KIAA0319L: variants seen among roughly 807,000 people sequenced by gnomAD.
KIAA0319L encodes the protein dyslexia-associated protein KIAA0319-like protein.
A neutral mutation model predicts 120.1 loss-of-function variants in KIAA0319L; 55 were observed. That is an observed-to-expected ratio of 0.46 (90% confidence interval 0.37 to 0.57). The LOEUF (loss-of-function observed/expected upper bound fraction) is 0.57, where lower values mean the gene tolerates loss of function less well. Among genes scored for constraint, KIAA0319L ranks in the 20% least tolerant of loss-of-function variants. The pLI is 0.00. For synonymous variants in KIAA0319L, 398 were observed against 471.9 expected (o/e 0.84, Z 2.03); for missense variants, 1,049 against 1,255.3 (o/e 0.84, Z 2.48).
intron 6 of KIAA0319L, among the ~76,000 whole-genome samples, chr1:35,468,714 A>C (rs1240582920): frequency 6.6e-6 from 1 of 152,186 alleles, no homozygotes; most frequent in East Asian, 1.9e-4. Flanking sequence ...AATTTTATCA[A>C]GTCAAACTCC....
chr1:35,536,852 G>A (rs765634410), intron 2 of KIAA0319L, among the ~76,000 whole-genome samples: 9 of 151,422 alleles, frequency 5.9e-5, no homozygotes, highest in Non-Finnish European at 1.2e-4. Flanking sequence ...CAGATTGAAG[G>A]CAAATGATTA....
rs185047296 is a variant in KIAA0319L at position 35,550,350 on chromosome 1, G to A, written c.142+4000C>T. 2.6e-4 allele frequency among the ~76,000 whole-genome samples: 40 copies of A among 152,180 alleles called. 1 individual carries two copies. The highest frequency in any genetic ancestry group is 1.4e-3 in the Admixed American group (21 of 15,288). On this transcript the variant is annotated intron_variant, in intron 2 of 20. Coordinates refer to ENST00000325722, the MANE Select transcript of KIAA0319L (RefSeq NM_024874.5). ...GCAGGAATCAAGAATGTATTTTATC[G>A]GAAAAAAATGTAAACACTCAGGTAA...
At chr1:35,485,961 A>G (rs943611366) in intron 3 of KIAA0319L, among the ~76,000 whole-genome samples, 13 of 152,174 alleles carry the variant, frequency 8.5e-5, no homozygotes, top group Non-Finnish European at 1.2e-4. Context: ...ATTAGTTTTC[A>G]TGTTCAGCCA....
chr1:35,557,228 G>A lies in KIAA0319L; in HGVS notation c.-50C>T, dbSNP rs764099680. 2.7e-5 allele frequency: 5 copies of A among 182,222 alleles called. No individual in the cohort carries two copies. The highest frequency in any genetic ancestry group is 4.7e-5 in the Non-Finnish European group (4 of 84,594). 11.3% of individuals were successfully genotyped at this position (182,222 alleles called of 1,614,324 possible). On this transcript the variant is annotated 5_prime_UTR_variant, in exon 1 of 21. Transcript: ENST00000325722. ...CTACCGGGGCTCAGGGCCACATAGC[G>A]GGGCCCCGGCTCTCGGCGGCCTCCG... is the stretch of plus-strand genomic sequence containing the variant.
chr1:35,544,057 G>T (rs1646891334), intron 2 of KIAA0319L, among the ~76,000 whole-genome samples: 1 of 152,060 alleles, frequency 6.6e-6, no homozygotes, highest in Non-Finnish European at 1.5e-5. Context: ...GCATGGAAGT[G>T]GGACAAAACA....
Position 35,456,017 on chromosome 1 carries a change from A to C in KIAA0319L, c.1652T>G (p.Met551Arg). The part of the protein sequence containing the change: ...SPSSKGKVVE[M>R]QGVRTPTLQL... ...ATAGGAACCATTCCCTCCTACCTGC[A>C]TCTCCACCACTTTCCCTTTGCTGCT... The change falls in exon 10 of 21, where the codon ATG becomes AGG. Residue 551 changes from methionine to arginine, a missense_variant. Met to Arg is a moderately conservative substitution (Grantham distance 91, BLOSUM62 -1). Coordinates refer to ENST00000325722, the MANE Select transcript of KIAA0319L (RefSeq NM_024874.5). 6.2e-7 allele frequency: 1 copy of C among 1,610,842 alleles called. No individual in the cohort carries two copies. The highest frequency in any genetic ancestry group is 1.1e-5 in the South Asian group (1 of 90,796).
At chr1:35,532,362 T>A (rs1224411256) in intron 2 of KIAA0319L, among the ~76,000 whole-genome samples, 1 of 152,182 alleles carries the variant, frequency 6.6e-6, no homozygotes, top group Non-Finnish European at 1.5e-5. Flanking sequence ...ATGTGTTCAA[T>A]AATAAAAATA....
intron 2 of KIAA0319L, among the ~76,000 whole-genome samples, chr1:35,537,199 T>G (rs1252314201): frequency 6.6e-6 from 1 of 152,228 alleles, no homozygotes; most frequent in Non-Finnish European, 1.5e-5. Flanking sequence ...CAATTCCCTG[T>G]GTAGCCCACT....
intron 2 of KIAA0319L, chr1:35,533,478 A>G (rs1488951296): frequency 6.6e-6 from 1 of 152,224 alleles, no homozygotes; most frequent in Non-Finnish European, 1.5e-5. Flanking sequence ...TATTCTGTAG[A>G]AAAAATTTGC....
chr1:35,436,963 C>T (rs889223917), intron 20 of KIAA0319L, among the ~76,000 whole-genome samples: 1 of 152,144 alleles, frequency 6.6e-6, no homozygotes, highest in Non-Finnish European at 1.5e-5. Flanking sequence ...CTCCTAGTGA[C>T]TCTACTCTAG....
rs188794614 is a variant in KIAA0319L at position 35,454,553 on chromosome 1, T to C, written c.1657-68A>G. 95 of 1,589,594 alleles carry C rather than the reference T, an allele frequency of 6.0e-5. 2 individuals carry two copies. The East Asian group carries it at 1.8e-3, about 31-fold the overall frequency. On this transcript the variant is annotated intron_variant, in intron 10 of 20. Transcript: ENST00000325722. ...TCACATCACACAATAATTCCGACTC[T>C]GGTAAAAACGATTTAGTTTTCTAAA...
chr1:35,543,066 A>G lies in KIAA0319L; in HGVS notation c.142+11284T>C, dbSNP rs754579993. On this transcript the variant is annotated intron_variant, in intron 2 of 20. Transcript: ENST00000325722. ...TTCCAAGATAGTAGGATTTAAGATG[A>G]TTATCTTTCACTAAAGTGTTTAAGC... Among the ~76,000 whole-genome samples the G allele has an allele frequency of 9.2e-5, 14 of 152,346 alleles. 1 individual carries two copies. The highest frequency in any genetic ancestry group is 2.9e-4 in the African/African-American group (12 of 41,582).
intron 2 of KIAA0319L, among the ~76,000 whole-genome samples, chr1:35,525,388 T>C (rs549384027): frequency 6.6e-6 from 1 of 152,208 alleles, no homozygotes; most frequent in Admixed American, 6.5e-5. Flanking sequence ...CTGGATCATA[T>C]AGTAGTTCTA....
chr1:35,450,083 T>C, intron 14 of KIAA0319L, 78 bp from the exon 15 acceptor site: 2 of 1,547,910 alleles, frequency 1.3e-6, no homozygotes, highest in Non-Finnish European at 1.8e-6. Flanking sequence ...GCTTTCACCA[T>C]AACTAGGCCC....
At chr1:35,442,436 C>T (rs1641295622) in intron 18 of KIAA0319L, 100 bp from the exon 19 acceptor site, 2 of 867,468 alleles carry the variant, frequency 2.3e-6, no homozygotes, top group Admixed American at 1.8e-5. Context: ...ACTCTGGAGA[C>T]AAGAATGCCT....
chr1:35,504,299 A>C (rs1442596916), intron 3 of KIAA0319L, among the ~76,000 whole-genome samples: 5 of 151,336 alleles, frequency 3.3e-5, no homozygotes, highest in African/African-American at 7.3e-5. Flanking sequence ...CAGGTTCACG[A>C]CATTCTCCTC....
rs750623778 is a variant in KIAA0319L at position 35,496,218 on chromosome 1, G to A, written c.666+10394C>T. ...GTATATCACTTGAGGTCAGGGGTTC[G>A]ATACCAGCCTGGCCAACATGGTGAA... On this transcript the variant is annotated intron_variant, in intron 3 of 20. Coordinates refer to ENST00000325722, the MANE Select transcript of KIAA0319L (RefSeq NM_024874.5). Among the ~76,000 whole-genome samples, 6 of 152,114 alleles carry A rather than the reference G, an allele frequency of 3.9e-5. No individual in the cohort carries two copies. In the East Asian group the frequency reaches 5.8e-4, roughly 15 times the overall value.
chr1:35,441,227 T>C (rs1641193161), intron 19 of KIAA0319L, 89 bp from the exon 20 acceptor site: 2 of 1,127,016 alleles, frequency 1.8e-6, no homozygotes, highest in Non-Finnish European at 2.7e-6. Flanking sequence ...GGGCCCTATT[T>C]TGGTGGGGCA....
At chr1:35,552,704 G>C (rs377235880) in intron 2 of KIAA0319L, among the ~76,000 whole-genome samples, 23 of 152,140 alleles carry the variant, frequency 1.5e-4, no homozygotes, top group Admixed American at 3.9e-4. Flanking sequence ...CAAAGTTGGA[G>C]GATCGACTGA....
Sources: allele counts gnomAD v4.1 joint callset (sites outside exome capture counted in the v4.1 genomes callset), GRCh38; gene constraint gnomAD v4.1.1; transcripts MANE v1.5; gene names NCBI Gene and HGNC (gene_info 2026-07-23, HGNC 2026-07-21).